The following MLXIP variants were observed in gnomAD, a reference collection of about 807,000 sequenced individuals.
The protein encoded by MLXIP is MLX interacting protein.
MLXIP carries 30 observed loss-of-function variants against 87.2 expected under a neutral mutation model. The observed-to-expected ratio is 0.34, with a 90% CI of 0.26 to 0.47. The LOEUF (loss-of-function observed/expected upper bound fraction) is 0.47. MLXIP is among the 20% of genes least tolerant of loss of function. MLXIP has a pLI of 1.00. For synonymous variants in MLXIP, 530 were observed against 514.0 expected (o/e 1.03, Z -0.42); for missense variants, 1,002 against 1,240.1 (o/e 0.81, Z 2.88).
chr12:122,098,801 A>G (rs1331122312), intron 1 of MLXIP, among the ~76,000 whole-genome samples: 1 of 152,170 alleles, frequency 6.6e-6, no homozygotes, highest in Non-Finnish European at 1.5e-5. Flanking sequence ...GTGCTCTGAA[A>G]TTGGCTTCTC....
At chr12:122,130,220 C>T (rs906367924) in intron 6 of MLXIP, 108 bp downstream of exon 6, 2 of 1,168,022 alleles carry the variant, frequency 1.7e-6, no homozygotes, top group African/African-American at 3.1e-5. Context: ...TGCTGCACGT[C>T]ACGGTTGGGG....
At chr12:122,084,855 G>A (rs955401553) in intron 1 of MLXIP, among the ~76,000 whole-genome samples, 1 of 152,144 alleles carries the variant, frequency 6.6e-6, no homozygotes, top group Non-Finnish European at 1.5e-5. Context: ...GCCTCTTAAC[G>A]TGATCTTAAG....
chr12:122,094,252 T>A, intron 1 of MLXIP, among the ~76,000 whole-genome samples: 1 of 127,598 alleles, frequency 7.8e-6, no homozygotes, highest in South Asian at 2.7e-4. Context: ...GGTATTGGTG[T>A]GTGTGTTGGT....
chr12:122,080,638 C>T (rs1474813069), intron 1 of MLXIP, among the ~76,000 whole-genome samples: 3 of 152,186 alleles, frequency 2.0e-5, no homozygotes, highest in Non-Finnish European at 4.4e-5. Context: ...TCCCCCTTAC[C>T]CGGCACATTG....
intron 1 of MLXIP, among the ~76,000 whole-genome samples, chr12:122,093,975 G>GGT (rs1232160114): frequency 6.9e-6 from 1 of 144,806 alleles, no homozygotes; most frequent in African/African-American, 2.6e-5. Context: ...ATGTGTGTGT[G>GGT]GTGTGTGTGT....
intron 1 of MLXIP, among the ~76,000 whole-genome samples, chr12:122,081,009 A>T (rs954024894): frequency 1.4e-5 from 2 of 146,418 alleles, no homozygotes; most frequent in Non-Finnish European, 3.0e-5. Flanking sequence ...TGAAAACTAA[A>T]TCAGTCTCCC....
At position 122,133,740 on chromosome 12, in the gene MLXIP, T is replaced by G. The variant is rs780039151; in HGVS notation, c.1485T>G (p.Asp495Glu). 9 of 1,613,386 alleles carry G rather than the reference T, an allele frequency of 5.6e-6. No homozygotes were observed. In the African/African-American group the frequency reaches 1.1e-4, roughly 19 times the overall value. Residue 495 changes from aspartate (D) to glutamate (E), a missense_variant, in exon 9 of 17, where the codon GAT becomes GAG. This residue lies in a region of MLXIP where 746 missense variants were observed against 897.0 expected (regional missense o/e 0.83). Transcript: ENST00000319080. This position sits in a 1 kb window ranked among gnomAD's most constrained non-coding sequence, Gnocchi z 4.9. ...CGGCCTCTGCCACCCTCACCCACGA[T>G]GCCCCCGCCACCACCTTTAGCCAGA... ...THTASATLTH[D>E]APATTFSQSQ... is the part of the protein sequence containing the mutation.
At chr12:122,080,499 A>T (rs944089561) in intron 1 of MLXIP, among the ~76,000 whole-genome samples, 2 of 151,974 alleles carry the variant, frequency 1.3e-5, no homozygotes, top group Non-Finnish European at 2.9e-5. Context: ...CCTGGATGGC[A>T]CCCCCCTCAC....
Position 122,138,506 on chromosome 12 carries a change from C to T in MLXIP, c.2339C>T (p.Ala780Val). Residue 780 changes from alanine to valine, a missense_variant, in exon 14 of 17, where the codon GCC becomes GTC. Physicochemically the swap from Ala to Val is moderately conservative, Grantham distance 64. Transcript: ENST00000319080. ...GAGAGAGGCCAGATGCAGGAGGAGG[C>T]CCGGCGGCTGCGGGAGGAGATCGAG... ...QQERGQMQEEARRLREEIEEL... is the reference protein window; with the variant it reads ...QQERGQMQEEVRRLREEIEEL... The T allele has an allele frequency of 6.2e-7, 1 of 1,613,842 alleles. No homozygotes were observed. The highest frequency in any genetic ancestry group is 1.1e-5 in the South Asian group (1 of 91,074).
At chr12:122,127,072 C>T (rs896499744) in intron 1 of MLXIP, among the ~76,000 whole-genome samples, 184 bp from the exon 2 acceptor site, 1 of 152,144 alleles carries the variant, frequency 6.6e-6, no homozygotes, top group Non-Finnish European at 1.5e-5. Context: ...ACAGTATCCC[C>T]ACCATGCCCT....
intron 1 of MLXIP, among the ~76,000 whole-genome samples, chr12:122,122,088 G>A (rs1593097642): frequency 6.6e-6 from 1 of 152,296 alleles, no homozygotes; most frequent in South Asian, 2.1e-4. Context: ...GCGGGTTCAG[G>A]AGGTGGAGGC....
chr12:122,102,819 T>C (rs1253635707), intron 1 of MLXIP, among the ~76,000 whole-genome samples: 1 of 152,242 alleles, frequency 6.6e-6, no homozygotes, highest in Non-Finnish European at 1.5e-5. Context: ...AATGGTTACA[T>C]ACTATATGAT....
intron 1 of MLXIP, among the ~76,000 whole-genome samples, chr12:122,121,010 G>GTTTTT (rs1233404015): frequency 0.061 from 6,825 of 111,432 alleles, 732 homozygotes; most frequent in African/African-American, 0.077. Context: ...TGCATGCTTG[G>GTTTTT]TTTTTTTTTT....
Position 122,142,084 on chromosome 12 carries a change from A to C in MLXIP, c.*272A>C. 1.4e-6 allele frequency: 1 copy of C among 691,554 alleles called. No individual in the cohort carries two copies. Among genetic ancestry groups the C allele is most frequent in the Non-Finnish European group, 2.6e-6 (1 of 381,592 alleles). 42.8% of individuals were successfully genotyped at this position (691,554 alleles called of 1,614,324 possible). ...CTCCTCTGCCCTCGGGGCAGCCCAC[A>C]CAAAAGGGAAGTGCTGGCCGTGCTG... is the stretch of plus-strand genomic sequence containing the variant. On this transcript the variant is annotated 3_prime_UTR_variant, in exon 17 of 17. Transcript: ENST00000319080.
At chr12:122,081,748 G>T (rs1220197045) in intron 1 of MLXIP, among the ~76,000 whole-genome samples, 1 of 152,214 alleles carries the variant, frequency 6.6e-6, no homozygotes, top group East Asian at 1.9e-4. Flanking sequence ...CCATCCTGGT[G>T]GGGTTCATGC....
At position 122,088,992 on chromosome 12, in the gene MLXIP, T is replaced by C. The variant is rs547337363; in HGVS notation, c.413+9726T>C. On this transcript the variant is annotated intron_variant, in intron 1 of 16. Coordinates refer to ENST00000319080, the MANE Select transcript of MLXIP (RefSeq NM_014938.6). ...TTTGAGACCAGCCTGGTCAATGTAG[T>C]GAGACCCCCATCTCTACAAAAAAAA... Among the ~76,000 whole-genome samples, 24 of 124,860 alleles carry C rather than the reference T, an allele frequency of 1.9e-4. No individual in the cohort carries two copies. The East Asian group carries it at 4.8e-3, about 25-fold the overall frequency. The allele number at this position is 124,860 out of a possible 152,430, so 81.9% of individuals were successfully genotyped here.
At chr12:122,126,300 C>T (rs1016975436) in intron 1 of MLXIP, among the ~76,000 whole-genome samples, 5 of 152,198 alleles carry the variant, frequency 3.3e-5, no homozygotes, top group Non-Finnish European at 7.3e-5. Flanking sequence ...AGAGGAGCTG[C>T]AGTGTCAACA....
Position 122,137,033 on chromosome 12 carries a change from C to G in MLXIP, c.2033-436C>G, listed in dbSNP as rs1953105703. 1 of 152,428 alleles carries G rather than the reference C, an allele frequency of 6.6e-6. No homozygotes were observed. Among genetic ancestry groups the G allele is most frequent in the African/African-American group, 2.4e-5 (1 of 41,424 alleles). 9.4% of individuals were successfully genotyped at this position (152,428 alleles called of 1,614,324 possible). On this transcript the variant is annotated intron_variant, in intron 11 of 16. Transcript: ENST00000319080. The surrounding 1 kb of genome is among the most constrained non-coding windows in gnomAD (Gnocchi z 4.1). The stretch of plus-strand genomic sequence containing the variant: ...GTCCACCTGGGACTGAGCACGGTCA[C>G]TCACTCCTCTAATCCTAGCACTTTG...
intron 1 of MLXIP, among the ~76,000 whole-genome samples, chr12:122,125,753 C>G (rs968522680): frequency 2.6e-5 from 4 of 152,240 alleles, no homozygotes; most frequent in Admixed American, 2.0e-4. Flanking sequence ...CTGCGTGTCT[C>G]TTGTGTGCTG....
Sources: allele counts gnomAD v4.1 joint callset (sites outside exome capture counted in the v4.1 genomes callset), GRCh38; gene constraint gnomAD v4.1.1; regional missense constraint gnomAD v4.1.1; non-coding constraint Gnocchi (gnomAD v3.1); transcripts MANE v1.5; gene names NCBI Gene and HGNC (gene_info 2026-07-23, HGNC 2026-07-21).